The following GPR158 variants were observed in gnomAD, a reference collection of about 807,000 sequenced individuals.
GPR158 encodes the protein metabotropic glycine receptor.
GPR158 carries 30 observed loss-of-function variants against 78.2 expected under a neutral mutation model. The ratio of observed to expected loss-of-function variants is 0.38; its 90% confidence interval spans 0.29 to 0.52. The LOEUF (loss-of-function observed/expected upper bound fraction) is 0.52, where lower values mean the gene tolerates loss of function less well. GPR158 is among the 20% of genes least tolerant of loss of function. The probability of loss-of-function intolerance (pLI) is 0.83; values close to 1 mark genes in which losing one functional copy is unlikely to be tolerated. For missense variants in GPR158, 1,463 were observed against 1,523.5 expected (o/e 0.96, Z 0.66); for synonymous variants, 581 against 591.1 (o/e 0.98, Z 0.25).
At chr10:25,590,238 A>C (rs1837323749) in intron 8 of GPR158, among the ~76,000 whole-genome samples, 1 of 152,114 alleles carries the variant, frequency 6.6e-6, no homozygotes, top group Non-Finnish European at 1.5e-5. Flanking sequence ...AAAACTTTTA[A>C]ATAAGAAGAG....
intron 6 of GPR158, among the ~76,000 whole-genome samples, chr10:25,557,904 C>A (rs34832714): frequency 0.27 from 40,949 of 152,162 alleles, 6,773 homozygotes; most frequent in Non-Finnish European, 0.37. Context: ...GAATGTAGTT[C>A]ACTCAGAACT....
chr10:25,400,033 T>G (rs1353548488), intron 3 of GPR158, among the ~76,000 whole-genome samples: 2 of 152,168 alleles, frequency 1.3e-5, no homozygotes, highest in African/African-American at 4.8e-5. Context: ...GTTAAATAAT[T>G]GAATACACAT....
intron 2 of GPR158, among the ~76,000 whole-genome samples, chr10:25,289,757 G>C (rs1411891205): frequency 6.6e-6 from 1 of 152,156 alleles, no homozygotes; most frequent in Non-Finnish European, 1.5e-5. Context: ...ATCAAAAACT[G>C]GTTGAAGTCC....
intron 1 of GPR158, among the ~76,000 whole-genome samples, chr10:25,187,254 C>T (rs187442759): frequency 1.4e-4 from 21 of 150,622 alleles, no homozygotes; most frequent in African/African-American, 4.6e-4. Context: ...CGTTAGCCAC[C>T]GCGTCCGGCC....
At chr10:25,588,856 A>C (rs563583155) in intron 7 of GPR158, 151 bp from the exon 8 acceptor site, 1 of 447,364 alleles carries the variant, frequency 2.2e-6, no homozygotes, top group African/African-American at 1.9e-5. Flanking sequence ...AAATTTAAAA[A>C]TATATGGCAT....
intron 1 of GPR158, among the ~76,000 whole-genome samples, chr10:25,191,219 A>G (rs896003842): frequency 1.3e-5 from 2 of 152,356 alleles, no homozygotes; most frequent in Middle Eastern, 3.4e-3. Flanking sequence ...TTAGAAGTAA[A>G]GGGGATTTTA....
At chr10:25,568,229 T>C (rs777690851) in intron 6 of GPR158, among the ~76,000 whole-genome samples, 1 of 152,132 alleles carries the variant, frequency 6.6e-6, no homozygotes, top group Non-Finnish European at 1.5e-5. Flanking sequence ...ACTGGAGATA[T>C]AGAGGTGGGA....
chr10:25,593,059 C>T (rs918242931), intron 8 of GPR158, among the ~76,000 whole-genome samples: 1 of 151,822 alleles, frequency 6.6e-6, no homozygotes, highest in Non-Finnish European at 1.5e-5. Context: ...GCCAGAAAGC[C>T]CTATCCCTGT....
intron 6 of GPR158, among the ~76,000 whole-genome samples, chr10:25,567,305 C>T (rs1011779709): frequency 1.3e-5 from 2 of 152,174 alleles, no homozygotes; most frequent in Admixed American, 6.5e-5. Flanking sequence ...GCACCTGCAC[C>T]AATCTTAGAT....
intron 2 of GPR158, among the ~76,000 whole-genome samples, chr10:25,368,134 G>C (rs1382863286): frequency 6.6e-6 from 1 of 151,812 alleles, no homozygotes; most frequent in African/African-American, 2.4e-5. Flanking sequence ...GCAGCTCTCT[G>C]GATGAAGTAC....
In GPR158 at chr10:25,175,394, T is replaced by G; in HGVS notation, c.-27T>G. 3.6e-5 allele frequency: 50 copies of G among 1,374,334 alleles called. No individual in the cohort carries two copies. The highest frequency in any genetic ancestry group is 4.8e-5 in the Non-Finnish European group (48 of 1,005,418). The allele number at this position is 1,374,334 out of a possible 1,614,324, so 85.1% of individuals were successfully genotyped here. A position where few individuals can be genotyped will look rare whatever the true frequency, so the allele number is the denominator to read the frequency against. On this transcript the variant is annotated 5_prime_UTR_variant, in exon 1 of 11. Coordinates refer to ENST00000376351, the MANE Select transcript of GPR158 (RefSeq NM_020752.3). The surrounding 1 kb of genome is among the most constrained non-coding windows in gnomAD (Gnocchi z 6.4). The stretch of plus-strand genomic sequence containing the variant: ...TAAAAAGTGATTCCCCCCCCTCCCG[T>G]TCCCTCCTCTTCTCTCTGGGAGGCA...
intron 4 of GPR158, among the ~76,000 whole-genome samples, chr10:25,415,433 G>T (rs1465814741): frequency 6.6e-6 from 1 of 151,986 alleles, no homozygotes; most frequent in Non-Finnish European, 1.5e-5. Context: ...CCAACACATA[G>T]TCATTAGGAA....
At chr10:25,417,213 C>T (rs1043451279) in intron 4 of GPR158, among the ~76,000 whole-genome samples, 3 of 152,094 alleles carry the variant, frequency 2.0e-5, no homozygotes, top group Non-Finnish European at 4.4e-5. Context: ...ATTTTCATGG[C>T]TCTATTTCTG....
chr10:25,468,925 A>T (rs1053743024), intron 5 of GPR158, among the ~76,000 whole-genome samples: 2 of 152,348 alleles, frequency 1.3e-5, no homozygotes, highest in Middle Eastern at 3.4e-3. Context: ...TAAAGACAGG[A>T]TGCTGTGGAG....
rs574910926 is a variant in GPR158, at chr10:25,370,146, G to GTT, written c.1009-25760_1009-25759dup. ...CCTGGATTCGTTAATTTTTTGAAGGGTTTTTTGTGTCTCTATTTCCTTCAG... is the reference window on the plus strand; with the variant it reads ...CCTGGATTCGTTAATTTTTTGAAGGGTTTTTTTTGTGTCTCTATTTCCTTCAG... On this transcript the variant is annotated intron_variant, in intron 2 of 10. Transcript: ENST00000376351. 3.6e-5 allele frequency among the ~76,000 whole-genome samples: 5 copies of GTT among 139,424 alleles called. No homozygotes were observed. In the South Asian group the frequency reaches 9.8e-4, roughly 27 times the overall value. 91.5% of individuals were successfully genotyped at this position (139,424 alleles called of 152,430 possible).
chr10:25,444,162 C>T (rs371204127), intron 4 of GPR158, among the ~76,000 whole-genome samples: 4 of 152,006 alleles, frequency 2.6e-5, no homozygotes, highest in African/African-American at 9.7e-5. Context: ...AGGTAGGCAG[C>T]TTCCTCTACT....
At chr10:25,463,395 C>CTGGA (rs10532888) in intron 4 of GPR158, among the ~76,000 whole-genome samples, 4,225 of 149,658 alleles carry the variant, frequency 0.028, 67 homozygotes, top group African/African-American at 0.049. Context: ...TGAGGTTTGT[C>CTGGA]TGGATGGATG....
chr10:25,514,542 C>T (rs543171204), intron 5 of GPR158, among the ~76,000 whole-genome samples: 1 of 152,206 alleles, frequency 6.6e-6, no homozygotes, highest in East Asian at 1.9e-4. Flanking sequence ...ATGTGAAGTA[C>T]TATTCTATTC....
intron 2 of GPR158, among the ~76,000 whole-genome samples, chr10:25,240,069 A>G (rs188927494): frequency 1.3e-5 from 2 of 152,326 alleles, no homozygotes; most frequent in African/African-American, 4.8e-5. Context: ...TTACTCTACT[A>G]CATATTTCCA....
Sources: allele counts gnomAD v4.1 joint callset (sites outside exome capture counted in the v4.1 genomes callset), GRCh38; gene constraint gnomAD v4.1.1; non-coding constraint Gnocchi (gnomAD v3.1); transcripts MANE v1.5; gene names NCBI Gene and HGNC (gene_info 2026-07-23, HGNC 2026-07-21).